PUS7: variants seen among roughly 807,000 people sequenced by gnomAD.
PUS7 encodes the protein pseudouridylate synthase 7 homolog.
A neutral mutation model predicts 79.8 loss-of-function variants in PUS7; 48 were observed. The ratio of observed to expected loss-of-function variants is 0.60; its 90% CI spans 0.48 to 0.76. The LOEUF is 0.76. Ranked by LOEUF, PUS7 falls within the 30% of genes least tolerant of loss-of-function variation. PUS7 has a pLI of 0.00. For missense variants in PUS7, 729 were observed against 797.6 expected, an observed-to-expected ratio of 0.91 and a Z score of 1.04; for synonymous variants, 286 against 272.2, an observed-to-expected ratio of 1.05 and a Z score of -0.50.
intron 9 of PUS7, among the ~76,000 whole-genome samples, chr7:105,476,749 C>T (rs1281076503): frequency 2.0e-5 from 3 of 152,198 alleles, no homozygotes; most frequent in Non-Finnish European, 2.9e-5. Flanking sequence ...TCTAATTTCT[C>T]TGTACCCTTA....
At chr7:105,508,733 G>A (rs941273055) in intron 1 of PUS7, among the ~76,000 whole-genome samples, 189 bp from the exon 2 acceptor site, 9 of 150,826 alleles carry the variant, frequency 6.0e-5, no homozygotes, top group African/African-American at 2.0e-4. Flanking sequence ...TTAGTTAGGC[G>A]TGGGTGGCAG....
At chr7:105,502,304 AT>A (rs1029953313) in intron 5 of PUS7, 115 bp downstream of exon 5, 2 of 1,285,842 alleles carry the variant, frequency 1.6e-6, no homozygotes, top group Non-Finnish European at 2.2e-6. Flanking sequence ...CATGATCAAT[AT>A]TGTTCTCTGA....
intron 1 of PUS7, among the ~76,000 whole-genome samples, chr7:105,515,324 A>G (rs2133288582): frequency 6.6e-6 from 1 of 152,352 alleles, no homozygotes. Flanking sequence ...CTCTGCCTAT[A>G]TAAAACCTAA....
chr7:105,464,281 GATTTA>G (rs1823550696), intron 13 of PUS7, among the ~76,000 whole-genome samples: 1 of 152,206 alleles, frequency 6.6e-6, no homozygotes, highest in Non-Finnish European at 1.5e-5. Flanking sequence ...AGTAAAACAT[GATTTA>G]TTTTCACTGC....
At chr7:105,491,373 A>G (rs192106941) in intron 7 of PUS7, among the ~76,000 whole-genome samples, 167 bp downstream of exon 7, 150 of 152,290 alleles carry the variant, frequency 9.8e-4, no homozygotes, top group Non-Finnish European at 1.3e-3. Context: ...CAAATAATAC[A>G]CGTTTCATAG....
chr7:105,467,390 C>T (rs143291171), intron 12 of PUS7, among the ~76,000 whole-genome samples: 5 of 151,246 alleles, frequency 3.3e-5, no homozygotes, highest in Admixed American at 2.6e-4. Context: ...CCCGGGTTCA[C>T]GCCATTCTCC....
At chr7:105,507,898 G>A (rs1825536728) in intron 2 of PUS7, among the ~76,000 whole-genome samples, 2 of 151,982 alleles carry the variant, frequency 1.3e-5, no homozygotes, top group African/African-American at 2.4e-5. Flanking sequence ...GTGACAGAGT[G>A]AGACCCTCTC....
At chr7:105,521,844 G>A (rs528556446) in intron 1 of PUS7, among the ~76,000 whole-genome samples, 1 of 152,160 alleles carries the variant, frequency 6.6e-6, no homozygotes, top group Non-Finnish European at 1.5e-5. Flanking sequence ...CGCCTGCACC[G>A]CCGAAGCGCA....
chr7:105,505,985 G>C lies in PUS7; in HGVS notation c.555C>G (p.Phe185Leu), dbSNP rs752702466. ...EKQRLEELQLFKNKETSVAIE... is the reference protein window; with the variant it reads ...EKQRLEELQLLKNKETSVAIE... ...TGGCAACACTGGTTTCCTTATTTTT[G>C]AACAGCTGGAGCTCTTCCAATCGCT... Residue 185 changes from phenylalanine to leucine, a missense_variant, in exon 4 of 16, where the codon TTC becomes TTG. Coordinates refer to ENST00000469408, the MANE Select transcript of PUS7 (RefSeq NM_019042.5). 9 of 1,612,352 alleles carry C rather than the reference G, an allele frequency of 5.6e-6. No individual in the cohort carries two copies. The South Asian group carries it at 8.8e-5, about 16-fold the overall frequency.
chr7:105,476,267 T>C (rs1824107532), intron 9 of PUS7, among the ~76,000 whole-genome samples: 1 of 152,178 alleles, frequency 6.6e-6, no homozygotes, highest in Non-Finnish European at 1.5e-5. Context: ...GCTGCTATTA[T>C]GAACATGAGT....
At position 105,504,432 on chromosome 7, in the gene PUS7, C is replaced by T. The variant is rs145982824; in HGVS notation, c.585+1523G>A. On this transcript the variant is annotated intron_variant, in intron 4 of 15. Coordinates refer to ENST00000469408, the MANE Select transcript of PUS7 (RefSeq NM_019042.5). ...AATCCACCAAACTACATTACGATTA[C>T]AGGTAAATGACTTCTTCATAGCAAA... Among the ~76,000 whole-genome samples the T allele has an allele frequency of 1.8e-3, 273 of 152,238 alleles. 2 individuals carry two copies. The highest frequency in any genetic ancestry group is 6.4e-3 in the African/African-American group (267 of 41,550).
rs1319336536 is a variant in PUS7, at chr7:105,513,885, T to C, written c.-32-5341A>G. Among the ~76,000 whole-genome samples the C allele has an allele frequency of 2.1e-5, 3 of 140,384 alleles. No homozygotes were observed. In the East Asian group the frequency reaches 6.3e-4, roughly 30 times the overall value. 92.1% of individuals were successfully genotyped at this position (140,384 alleles called of 152,430 possible). A position where few individuals can be genotyped will look rare whatever the true frequency, so the allele number is the denominator to read the frequency against. ...TTATGGATGATTTACATAGCTGAAC[T>C]GTATTGTTGTTATGTCTGGAGGAGT... On this transcript the variant is annotated intron_variant, in intron 1 of 15. Transcript: ENST00000469408.
At chr7:105,507,331 C>A (rs2133250433) in intron 2 of PUS7, among the ~76,000 whole-genome samples, 1 of 152,124 alleles carries the variant, frequency 6.6e-6, no homozygotes, top group East Asian at 1.9e-4. Flanking sequence ...CAGGCGTTAG[C>A]CACCGTGTCT....
At chr7:105,511,588 C>T (rs1327279852) in intron 1 of PUS7, among the ~76,000 whole-genome samples, 4 of 150,664 alleles carry the variant, frequency 2.7e-5, no homozygotes, top group Admixed American at 2.6e-4. Flanking sequence ...ATGGTGAAAC[C>T]CCTCTCTAGT....
chr7:105,462,721 C>A lies in PUS7; in HGVS notation c.1657G>T (p.Ala553Ser). Residue 553 changes from alanine (A) to serine (S), a missense_variant, in exon 14 of 16, where the codon GCT (alanine) becomes TCT (serine). By Grantham distance (99) the Ala-to-Ser change is moderately conservative (BLOSUM62 1). Transcript: ENST00000469408. ...IQEAYREMLTADNLDIDNMRH... is the reference protein window; with the variant it reads ...IQEAYREMLTSDNLDIDNMRH... ...ATGTTGTCAATATCAAGATTGTCAG[C>A]TGTGAGCATTTCCCTGTAGGCTTCT... The A allele has an allele frequency of 6.2e-7, 1 of 1,613,532 alleles. No homozygotes were observed. The highest frequency in any genetic ancestry group is 8.5e-7 in the Non-Finnish European group (1 of 1,179,876).
chr7:105,482,425 T>G lies in PUS7; in HGVS notation c.936A>C (p.Arg312Ser), dbSNP rs147112093. 5 of 1,604,364 alleles carry G rather than the reference T, an allele frequency of 3.1e-6. No homozygotes were observed. Among genetic ancestry groups the G allele is most frequent in the African/African-American group, 2.7e-5 (2 of 73,480 alleles). ...TCAAGCACTTATTCAGGTGGGCAAGTCTTTGTGCAGTTATTCTTTAAAAAA... is the reference window on the plus strand; with the variant it reads ...TCAAGCACTTATTCAGGTGGGCAAGGCTTTGTGCAGTTATTCTTTAAAAAA... ...EIAVLKITAQ[R>S]LAHLNKCLMN... is the part of the protein sequence containing the mutation. Residue 312 changes from arginine to serine, a missense_variant, in exon 8 of 16, where the codon AGA becomes AGC. Arg to Ser is a moderately radical substitution (Grantham distance 110). Transcript: ENST00000469408.
intron 15 of PUS7, among the ~76,000 whole-genome samples, chr7:105,458,284 A>G (rs538498820): frequency 6.6e-6 from 1 of 152,206 alleles, no homozygotes; most frequent in African/African-American, 2.4e-5. Flanking sequence ...TTTTTGAGAC[A>G]GAGTCTTGTT....
Position 105,457,757 on chromosome 7 carries a change from T to G in PUS7, c.*33A>C, listed in dbSNP as rs912901485. The G allele has an allele frequency of 4.4e-6, 7 of 1,606,772 alleles. No homozygotes were observed. In the African/African-American group the frequency reaches 5.4e-5, roughly 12 times the overall value. On this transcript the variant is annotated 3_prime_UTR_variant, in exon 16 of 16. Transcript: ENST00000469408. ...CAGGGAGCCAGGAAGCAAACACTTG[T>G]GTACGTTTTCTAATCTGTGGACAAG...
chr7:105,467,791 G>A (rs1823717950), intron 12 of PUS7, among the ~76,000 whole-genome samples: 1 of 151,842 alleles, frequency 6.6e-6, no homozygotes, highest in South Asian at 2.1e-4. Flanking sequence ...CACTTTGGGA[G>A]GCCAAGGCAG....
Sources: gnomAD v4.1 joint callset for allele counts (sites outside exome capture counted in the v4.1 genomes callset) on GRCh38, gnomAD v4.1.1 for gene constraint, MANE v1.5 for transcripts, NCBI Gene and HGNC (gene_info 2026-07-23, HGNC 2026-07-21) for gene names.